Variants in ZFYVE28 observed in about 807,000 individuals in gnomAD.
ZFYVE28 encodes the protein zinc finger FYVE-type containing 28.
A neutral mutation model predicts 82.1 loss-of-function variants in ZFYVE28; 40 were observed. The ratio of observed to expected loss-of-function variants is 0.49; its 90% CI spans 0.38 to 0.63. The LOEUF (loss-of-function observed/expected upper bound fraction) is 0.63. ZFYVE28 is among the 30% of genes least tolerant of loss of function. The pLI, the probability that ZFYVE28 is intolerant of heterozygous loss-of-function variation, is 0.00. For synonymous variants in ZFYVE28, 612 were observed against 546.1 expected (o/e 1.12, Z -1.68); for missense variants, 1,321 against 1,242.1 (o/e 1.06, Z -0.96).
intron 1 of ZFYVE28, among the ~76,000 whole-genome samples, chr4:2,379,180 G>A (rs557670530): frequency 6.6e-6 from 1 of 152,328 alleles, no homozygotes; most frequent in Admixed American, 6.5e-5. Flanking sequence ...AGAGAGCAAG[G>A]AGGTGTGGGC....
At chr4:2,415,451 T>TATACACACACACACAC (rs1553871376) in intron 1 of ZFYVE28, among the ~76,000 whole-genome samples, 3 of 147,166 alleles carry the variant, frequency 2.0e-5, no homozygotes, top group African/African-American at 7.7e-5. Flanking sequence ...ACCCTGTCTC[T>TATACACACACACACAC]ACACACACAC....
chr4:2,379,111 A>G (rs1202309838), intron 1 of ZFYVE28, among the ~76,000 whole-genome samples: 1 of 152,212 alleles, frequency 6.6e-6, no homozygotes, highest in East Asian at 1.9e-4. Flanking sequence ...ATGGACAGAC[A>G]GCATCTGAGA....
rs1367189870 is a variant in ZFYVE28 at position 2,270,834 on chromosome 4, G to A, written c.2555C>T (p.Ser852Leu). 8 of 1,612,954 alleles carry A rather than the reference G, an allele frequency of 5.0e-6. No individual in the cohort carries two copies. The highest frequency in any genetic ancestry group is 2.2e-5 in the South Asian group (2 of 91,074). Residue 852 changes from serine (S) to leucine (L), a missense_variant, in exon 13 of 13, where the codon TCG becomes TTG. Ser to Leu is a moderately radical substitution (Grantham distance 145, BLOSUM62 -2). Coordinates refer to ENST00000290974, the MANE Select transcript of ZFYVE28 (RefSeq NM_020972.3). ...GTAGCGGGGCAGCGGTGCTGAGTGCGAGGAGCAGCGCGAGCAGAAGATCTG... is the reference window on the plus strand; with the variant it reads ...GTAGCGGGGCAGCGGTGCTGAGTGCAAGGAGCAGCGCGAGCAGAAGATCTG... ...CGKIFCSRCS[S>L]HSAPLPRYGQ... is the part of the protein sequence containing the mutation.
chr4:2,273,342 G>A, intron 9 of ZFYVE28, 53 bp from the exon 10 acceptor site: 3 of 1,519,572 alleles, frequency 2.0e-6, no homozygotes, highest in Non-Finnish European at 2.7e-6. Flanking sequence ...GGAAGGAACT[G>A]CGGAGGTCGG....
rs983026073 is a variant in ZFYVE28 at position 2,416,562 on chromosome 4, C to G, written c.39+1723G>C. ...GAGGAAAAGTCACTGGAACCAAACACCATTCATACAGCTATCCAGAGCGGA... is the reference window on the plus strand; with the variant it reads ...GAGGAAAAGTCACTGGAACCAAACAGCATTCATACAGCTATCCAGAGCGGA... On this transcript the variant is annotated intron_variant, in intron 1 of 12. Transcript: ENST00000290974. This position sits in a 1 kb window ranked among gnomAD's most constrained non-coding sequence, Gnocchi z 4.6. Among the ~76,000 whole-genome samples the G allele has an allele frequency of 1.3e-5, 2 of 152,210 alleles. No individual in the cohort carries two copies. Among genetic ancestry groups the G allele is most frequent in the African/African-American group, 2.4e-5 (1 of 41,448 alleles).
chr4:2,338,703 T>G (rs2108859937), intron 4 of ZFYVE28, among the ~76,000 whole-genome samples: 1 of 152,366 alleles, frequency 6.6e-6, no homozygotes, highest in South Asian at 2.1e-4. Flanking sequence ...TCCGTGCTCT[T>G]GCTTCCTGCA....
At chr4:2,412,448 G>A (rs996830721) in intron 1 of ZFYVE28, among the ~76,000 whole-genome samples, 3 of 152,074 alleles carry the variant, frequency 2.0e-5, no homozygotes, top group African/African-American at 7.2e-5. Flanking sequence ...CAGAAGGCAG[G>A]TCTCAGCATC....
At chr4:2,298,987 G>A (rs578085200) in intron 8 of ZFYVE28, among the ~76,000 whole-genome samples, 92 of 152,246 alleles carry the variant, frequency 6.0e-4, no homozygotes, top group South Asian at 3.9e-3. Context: ...CGCACCACAC[G>A]CGATCAACCA....
intron 6 of ZFYVE28, among the ~76,000 whole-genome samples, chr4:2,328,315 C>G (rs1560210501): frequency 6.6e-6 from 1 of 152,160 alleles, no homozygotes; most frequent in Non-Finnish European, 1.5e-5. Context: ...AAGACAAATA[C>G]CATATGTTCT....
intron 8 of ZFYVE28, among the ~76,000 whole-genome samples, chr4:2,277,939 A>G (rs149279083): frequency 1.3e-5 from 2 of 152,372 alleles, no homozygotes; most frequent in African/African-American, 4.8e-5. Flanking sequence ...GTGGCATGAA[A>G]GAGCAGGAAT....
chr4:2,399,086 GT>G (rs1193907094), intron 1 of ZFYVE28, among the ~76,000 whole-genome samples: 13,542 of 65,996 alleles, frequency 0.21, 1,662 homozygotes, highest in African/African-American at 0.36. Context: ...AAGCGTGAAG[GT>G]GAGATCCAGG....
chr4:2,308,120 T>C (rs1716862662), intron 7 of ZFYVE28, among the ~76,000 whole-genome samples: 1 of 152,110 alleles, frequency 6.6e-6, no homozygotes, highest in South Asian at 2.1e-4. Context: ...AATTTTCTTC[T>C]TCTTCTTCTT....
intron 10 of ZFYVE28, among the ~76,000 whole-genome samples, chr4:2,271,990 A>G (rs1047166417): frequency 1.3e-5 from 2 of 152,124 alleles, no homozygotes; most frequent in Admixed American, 6.5e-5. Flanking sequence ...TTTGCACAAC[A>G]TGGGGGCCCA....
At chr4:2,281,762 T>C (rs1367300379) in intron 8 of ZFYVE28, among the ~76,000 whole-genome samples, 1 of 152,076 alleles carries the variant, frequency 6.6e-6, no homozygotes, top group Non-Finnish European at 1.5e-5. Flanking sequence ...AACACTGCCT[T>C]TGGAAGGGTG....
At chr4:2,367,316 T>C (rs1560292986) in intron 1 of ZFYVE28, among the ~76,000 whole-genome samples, 1 of 152,154 alleles carries the variant, frequency 6.6e-6, no homozygotes, top group East Asian at 1.9e-4. Context: ...AGGAAGACAA[T>C]CAATTCCATT....
At chr4:2,344,746 A>G (rs1212023988) in intron 2 of ZFYVE28, among the ~76,000 whole-genome samples, 1 of 152,244 alleles carries the variant, frequency 6.6e-6, no homozygotes, top group East Asian at 1.9e-4. Context: ...AAAATACACA[A>G]TTAGCCGGGT....
At chr4:2,386,866 G>A (rs1371176631) in intron 1 of ZFYVE28, among the ~76,000 whole-genome samples, 2 of 152,236 alleles carry the variant, frequency 1.3e-5, no homozygotes, top group South Asian at 2.1e-4. Flanking sequence ...ATGCCCGCCC[G>A]CCTGAGGTGC....
rs1405753321 is a variant in ZFYVE28 at position 2,335,657 on chromosome 4, C to G, written c.701+48G>C. The stretch of plus-strand genomic sequence containing the variant: ...ACGGGACCTGGCACCATCAGCCCTG[C>G]CCGTCCCGCAGGTTTCTGCAGAGGT... On this transcript the variant is annotated intron_variant, in intron 6 of 12. Transcript: ENST00000290974. The surrounding 1 kb of genome is among the most constrained non-coding windows in gnomAD (Gnocchi z 5.8). 6 of 1,534,214 alleles carry G rather than the reference C, an allele frequency of 3.9e-6. No homozygotes were observed. In the African/African-American group the frequency reaches 5.5e-5, roughly 14 times the overall value.
At chr4:2,407,865 C>A (rs957793786) in intron 1 of ZFYVE28, among the ~76,000 whole-genome samples, 2 of 152,232 alleles carry the variant, frequency 1.3e-5, no homozygotes, top group Non-Finnish European at 2.9e-5. Flanking sequence ...GGATTACAGG[C>A]GTGAGCCACT....
Sources: gnomAD v4.1 joint callset for allele counts (sites outside exome capture counted in the v4.1 genomes callset) on GRCh38, gnomAD v4.1.1 for gene constraint, Gnocchi (gnomAD v3.1) non-coding constraint, MANE v1.5 for transcripts, NCBI Gene and HGNC (gene_info 2026-07-23, HGNC 2026-07-21) for gene names.